The following FOXP2 variants were observed in gnomAD, a reference collection of about 807,000 sequenced individuals.
The protein encoded by FOXP2 is forkhead box P2, also known as forkhead box protein P2.
FOXP2 carries 12 observed loss-of-function variants against 115.8 expected under a neutral mutation model. The observed-to-expected ratio is 0.10, with a 90% CI of 0.07 to 0.17. The LOEUF (loss-of-function observed/expected upper bound fraction) is 0.17, where lower values mean the gene tolerates loss of function less well. Among genes scored for constraint, FOXP2 ranks in the 10% least tolerant of loss-of-function variants. FOXP2 has a pLI of 1.00. For synonymous variants in FOXP2, 328 were observed against 297.7 expected, an observed-to-expected ratio of 1.10 and a Z score of -1.05; for missense variants, 629 against 843.5, an observed-to-expected ratio of 0.75 and a Z score of 3.15.
chr7:114,180,065 G>C (rs2129154865), intron 1 of FOXP2, among the ~76,000 whole-genome samples: 1 of 152,108 alleles, frequency 6.6e-6, no homozygotes, highest in East Asian at 1.9e-4. Flanking sequence ...TAACAGGTAT[G>C]TTGGTCTACC....
intron 2 of FOXP2, among the ~76,000 whole-genome samples, chr7:114,381,973 C>A (rs1792315578): frequency 6.6e-6 from 1 of 152,160 alleles, no homozygotes; most frequent in South Asian, 2.1e-4. Flanking sequence ...CTTCCTCAAG[C>A]AGGGGACAAC....
At chr7:114,688,765 C>T (rs946627216) in intron 16 of FOXP2, among the ~76,000 whole-genome samples, 4 of 152,098 alleles carry the variant, frequency 2.6e-5, no homozygotes, top group African/African-American at 4.8e-5. Context: ...CATTTATTGA[C>T]AGTTGGTAAA....
chr7:114,523,510 C>CA (rs1798720569), intron 2 of FOXP2, among the ~76,000 whole-genome samples: 2 of 152,120 alleles, frequency 1.3e-5, no homozygotes, highest in Non-Finnish European at 2.9e-5. Flanking sequence ...GCCTTGGTAC[C>CA]ATGCAGGGTC....
chr7:114,339,412 G>A lies in FOXP2; in HGVS notation c.-11+51303G>A, dbSNP rs1157936020. 2.0e-5 allele frequency among the ~76,000 whole-genome samples: 3 copies of A among 151,122 alleles called. No homozygotes were observed. In the Admixed American group the frequency reaches 2.0e-4, roughly 10 times the overall value. The stretch of plus-strand genomic sequence containing the variant: ...ATATAATTAGTGTTGTTTTGCTTTT[G>A]CTTTTTGTGAACTTTTTTTTAGAAG... On this transcript the variant is annotated intron_variant, in intron 2 of 17. Coordinates refer to the FOXP2 transcript ENST00000634411.
intron 1 of FOXP2, among the ~76,000 whole-genome samples, chr7:114,252,986 T>A (rs563763553): frequency 6.6e-6 from 1 of 152,304 alleles, no homozygotes; most frequent in South Asian, 2.1e-4. Flanking sequence ...GATTCTAGTA[T>A]GTTGTGCCGT....
chr7:114,468,695 G>A (rs1034998447), intron 2 of FOXP2, among the ~76,000 whole-genome samples: 3 of 151,942 alleles, frequency 2.0e-5, no homozygotes, highest in Admixed American at 1.3e-4. Flanking sequence ...TAAGTTAGGC[G>A]TCATTCCTCC....
chr7:114,639,995 T>C (rs1244459161), intron 6 of FOXP2, among the ~76,000 whole-genome samples: 1 of 152,148 alleles, frequency 6.6e-6, no homozygotes, highest in South Asian at 2.1e-4. Flanking sequence ...AATTCATATA[T>C]TCAAGGCAAG....
intron 2 of FOXP2, among the ~76,000 whole-genome samples, chr7:114,481,808 C>CTATCTATCTATCTATCTATA: frequency 7.0e-6 from 1 of 142,434 alleles, no homozygotes; most frequent in Middle Eastern, 3.6e-3. Flanking sequence ...ATCTATCTAT[C>CTATCTATCTATCTATCTATA]TATATATCTA....
intron 1 of FOXP2, among the ~76,000 whole-genome samples, chr7:114,146,777 T>A (rs572851908): frequency 4.6e-5 from 7 of 152,306 alleles, no homozygotes; most frequent in Admixed American, 1.3e-4. Context: ...ACAATAGACA[T>A]GTTACTTGGC....
rs547497847 is a variant in FOXP2, at chr7:114,439,544, C to CTTAT, written c.168+12888_168+12891dup. Among the ~76,000 whole-genome samples the CTTAT allele has an allele frequency of 5.6e-3, 853 of 151,764 alleles. 3 individuals carry two copies. Among genetic ancestry groups the CTTAT allele is most frequent in the Admixed American group, 9.4e-3 (143 of 15,214 alleles). On this transcript the variant is annotated intron_variant, in intron 2 of 16. Coordinates refer to ENST00000350908, the MANE Select transcript of FOXP2 (RefSeq NM_014491.4). ...CAGCATTGTGTTAAGTGTAAATTATCTTATTTATTTATTTATTTATTTATT... is the reference window on the plus strand; with the variant it reads ...CAGCATTGTGTTAAGTGTAAATTATCTTATTTATTTATTTATTTATTTATTTATT...
At chr7:114,261,850 GGAGCTC>G (rs1225930585) in intron 1 of FOXP2, among the ~76,000 whole-genome samples, 3 of 152,086 alleles carry the variant, frequency 2.0e-5, no homozygotes, top group African/African-American at 7.2e-5. Context: ...TTTGAGGTCA[GGAGCTC>G]GAGACTAGCC....
chr7:114,389,901 G>T (rs1465871764), intron 2 of FOXP2, among the ~76,000 whole-genome samples: 1 of 151,502 alleles, frequency 6.6e-6, no homozygotes, highest in Non-Finnish European at 1.5e-5. Context: ...GCATGCTCCT[G>T]TAATCCTAGC....
rs1050747630 is a variant in FOXP2 at position 114,593,686 on chromosome 7, G to C, written c.259-34854G>C. Among the ~76,000 whole-genome samples the C allele has an allele frequency of 2.0e-5, 3 of 151,424 alleles. No individual in the cohort carries two copies. In the East Asian group the frequency reaches 5.8e-4, roughly 29 times the overall value. Reference sequence around the variant, plus strand: ...CCTGGCCCCAGATCTCCTTTTTGCAGAGTGTCTGGTTTTCTATAACACATC... The same window carrying C: ...CCTGGCCCCAGATCTCCTTTTTGCACAGTGTCTGGTTTTCTATAACACATC... On this transcript the variant is annotated intron_variant, in intron 3 of 16. Coordinates refer to ENST00000350908, the MANE Select transcript of FOXP2 (RefSeq NM_014491.4).
Position 114,641,559 on chromosome 7 carries a change from A to C in FOXP2, c.776-851A>C, listed in dbSNP as rs924949110. On this transcript the variant is annotated intron_variant, in intron 6 of 16. Transcript: ENST00000350908. ...TATTTAGTTCATCCCTCTGAGAAAT[A>C]TCAAAATGAACAGATAATTGTCAAA... Among the ~76,000 whole-genome samples, 5 of 152,248 alleles carry C rather than the reference A, an allele frequency of 3.3e-5. No individual in the cohort carries two copies. The South Asian group carries it at 1.0e-3, about 32-fold the overall frequency.
At chr7:114,405,781 C>T (rs897441809) in intron 2 of FOXP2, among the ~76,000 whole-genome samples, 2 of 151,740 alleles carry the variant, frequency 1.3e-5, no homozygotes, top group African/African-American at 4.8e-5. Flanking sequence ...ACTATGAAGT[C>T]TTTGAGATTT....
At chr7:114,560,393 G>A (rs939372838) in intron 3 of FOXP2, among the ~76,000 whole-genome samples, 3 of 152,060 alleles carry the variant, frequency 2.0e-5, no homozygotes, top group African/African-American at 7.2e-5. Context: ...ATCCCCTGAG[G>A]CCAGGAGTTT....
At chr7:114,316,547 A>G (rs1224532811) in intron 2 of FOXP2, among the ~76,000 whole-genome samples, 2 of 152,168 alleles carry the variant, frequency 1.3e-5, no homozygotes, top group Non-Finnish European at 2.9e-5. Flanking sequence ...ACAGACTGAC[A>G]TTGATGGAAC....
At chr7:114,531,822 A>C (rs1227754395) in intron 2 of FOXP2, among the ~76,000 whole-genome samples, 3 of 151,978 alleles carry the variant, frequency 2.0e-5, no homozygotes, top group South Asian at 4.1e-4. Flanking sequence ...CTAACAGTGT[A>C]GGTGTATGCT....
At chr7:114,536,176 T>C (rs1799382944) in intron 3 of FOXP2, among the ~76,000 whole-genome samples, 2 of 151,654 alleles carry the variant, frequency 1.3e-5, no homozygotes, top group South Asian at 4.1e-4. Context: ...AAAGGAGAAT[T>C]AGATGCTGGC....
Sources: allele counts gnomAD v4.1 joint callset (sites outside exome capture counted in the v4.1 genomes callset), GRCh38; gene constraint gnomAD v4.1.1; transcripts MANE v1.5; gene names NCBI Gene and HGNC (gene_info 2026-07-23, HGNC 2026-07-21).